The following RHBDD1 variants were observed in gnomAD, a reference collection of about 807,000 sequenced individuals.
The protein encoded by RHBDD1 is rhomboid domain containing 1.
Under a neutral mutation model 36.3 loss-of-function variants are expected in RHBDD1, and 38 were observed. The ratio of observed to expected loss-of-function variants is 1.05; its 90% CI spans 0.81 to 1.37. The LOEUF is 1.37. Ranked by LOEUF, RHBDD1 falls within the 40% of genes most tolerant of loss-of-function variation. The pLI, the probability that RHBDD1 is intolerant of heterozygous loss-of-function variation, is 0.00. For missense variants in RHBDD1, 393 were observed against 377.6 expected (o/e 1.04, Z -0.34); for synonymous variants, 151 against 136.5 (o/e 1.11, Z -0.74).
At chr2:226,838,373 C>T (rs576348272) in intron 2 of RHBDD1, among the ~76,000 whole-genome samples, 8 of 151,960 alleles carry the variant, frequency 5.3e-5, no homozygotes, top group African/African-American at 1.9e-4. Flanking sequence ...TTTTTTTGTT[C>T]TCCTCATCGG....
At chr2:226,899,648 A>T (rs1947428482) in intron 5 of RHBDD1, among the ~76,000 whole-genome samples, 1 of 152,228 alleles carries the variant, frequency 6.6e-6, no homozygotes, top group South Asian at 2.1e-4. Context: ...AGAAAAAGAC[A>T]GATTGCCTAC....
chr2:226,971,532 CTT>C (rs1189543846), intron 8 of RHBDD1, among the ~76,000 whole-genome samples: 1 of 152,176 alleles, frequency 6.6e-6, no homozygotes, highest in Non-Finnish European at 1.5e-5. Context: ...GCTTATTTGA[CTT>C]TTGATAAGTT....
chr2:226,942,281 C>T (rs1396775372), intron 8 of RHBDD1, among the ~76,000 whole-genome samples: 1 of 151,730 alleles, frequency 6.6e-6, no homozygotes, highest in Non-Finnish European at 1.5e-5. Flanking sequence ...TTCTGTCACC[C>T]AGGCTGGAGT....
At chr2:226,819,616 G>A in the RHBDD1 span, among the ~76,000 whole-genome samples, 1 of 152,092 alleles carries the variant, frequency 6.6e-6, no homozygotes, top group Non-Finnish European at 1.5e-5. Context: ...GTTTAATTTT[G>A]CTGTGAACCT....
chr2:226,995,902 GC>G lies in RHBDD1; in HGVS notation c.*384del, dbSNP rs1202683720. 5.3e-6 allele frequency: 1 copy of G among 187,530 alleles called. No homozygotes were observed. Among genetic ancestry groups the G allele is most frequent in the African/African-American group, 2.4e-5 (1 of 42,418 alleles). The allele number at this position is 187,530 out of a possible 1,614,324, so 11.6% of individuals were successfully genotyped here. On this transcript the variant is annotated 3_prime_UTR_variant, in exon 9 of 9. Coordinates refer to ENST00000392062, the MANE Select transcript of RHBDD1 (RefSeq NM_001167608.3). ...ATTAGTCCCTCATTCTGCCTGGAGT[GC>G]CCCGTGTTTGACTTGGCAGCGGGTG...
At chr2:226,839,994 AGT>A (rs1941431892) in intron 3 of RHBDD1, among the ~76,000 whole-genome samples, 1 of 152,204 alleles carries the variant, frequency 6.6e-6, no homozygotes, top group South Asian at 2.1e-4. Context: ...TATATAGTAA[AGT>A]GTTTTTTTAG....
chr2:226,811,615 G>C, the RHBDD1 span, among the ~76,000 whole-genome samples: 1 of 152,066 alleles, frequency 6.6e-6, no homozygotes, highest in Non-Finnish European at 1.5e-5. Flanking sequence ...TAGTGGAATT[G>C]TTGCCGGACA....
At chr2:226,833,850 A>G (rs1418826747), upstream of RHBDD1, among the ~76,000 whole-genome samples, 4 of 152,222 alleles carry the variant, frequency 2.6e-5, no homozygotes, top group African/African-American at 9.6e-5. Flanking sequence ...ATATTTGTCA[A>G]TTGAAATGGG....
chr2:226,904,272 G>C (rs1302040934), intron 5 of RHBDD1, among the ~76,000 whole-genome samples: 1 of 152,134 alleles, frequency 6.6e-6, no homozygotes, highest in Non-Finnish European at 1.5e-5. Flanking sequence ...CACACCCCTG[G>C]ACGTTGCCGT....
At chr2:226,878,362 C>T (rs183441569) in intron 5 of RHBDD1, among the ~76,000 whole-genome samples, 182 of 152,342 alleles carry the variant, frequency 1.2e-3, no homozygotes, top group Non-Finnish European at 2.1e-3. Flanking sequence ...TTCAGTCCCA[C>T]GTGTTCTTTT....
At chr2:226,806,154 A>G in the RHBDD1 span, among the ~76,000 whole-genome samples, 1 of 151,930 alleles carries the variant, frequency 6.6e-6, no homozygotes, top group Non-Finnish European at 1.5e-5. Flanking sequence ...GAAAAAAAAA[A>G]CTGACTAGAA....
At chr2:226,895,114 A>G (rs1284099402) in intron 5 of RHBDD1, among the ~76,000 whole-genome samples, 2 of 152,164 alleles carry the variant, frequency 1.3e-5, no homozygotes, top group African/African-American at 4.8e-5. Context: ...TTTATTGTAG[A>G]GACACTGGGG....
chr2:226,822,412 A>C, the RHBDD1 span, among the ~76,000 whole-genome samples: 1 of 152,166 alleles, frequency 6.6e-6, no homozygotes, highest in South Asian at 2.1e-4. Context: ...GAGCGGGTGG[A>C]TCACCTAAGG....
intron 5 of RHBDD1, among the ~76,000 whole-genome samples, chr2:226,906,491 A>G (rs1476836598): frequency 1.3e-5 from 2 of 152,220 alleles, no homozygotes; most frequent in East Asian, 3.9e-4. Flanking sequence ...AAAAACGGAA[A>G]GCGATGTAAT....
intron 8 of RHBDD1, among the ~76,000 whole-genome samples, chr2:226,928,434 T>A (rs1453031099): frequency 6.6e-6 from 1 of 152,006 alleles, no homozygotes; most frequent in Non-Finnish European, 1.5e-5. Flanking sequence ...AAGATGGAAA[T>A]TAAATAATTC....
chr2:226,867,097 C>T (rs929087783), intron 4 of RHBDD1, 89 bp from the exon 5 acceptor site: 133 of 1,286,966 alleles, frequency 1.0e-4, no homozygotes, highest in Admixed American at 3.6e-4. Flanking sequence ...ATCGAATAAT[C>T]ATTTTCACTT....
At chr2:226,827,111 CCAT>C in the RHBDD1 span, among the ~76,000 whole-genome samples, 1 of 152,054 alleles carries the variant, frequency 6.6e-6, no homozygotes, top group South Asian at 2.1e-4. Context: ...GTGCATACCA[CCAT>C]GTCAGGCTAC....
chr2:226,918,760 T>C (rs1949095156), intron 8 of RHBDD1, among the ~76,000 whole-genome samples: 1 of 152,126 alleles, frequency 6.6e-6, no homozygotes, highest in East Asian at 1.9e-4. Flanking sequence ...CTATGAATAG[T>C]GCTACAGTAA....
chr2:226,831,506 G>T (rs1190972382), upstream of RHBDD1, among the ~76,000 whole-genome samples: 1 of 152,188 alleles, frequency 6.6e-6, no homozygotes, highest in African/African-American at 2.4e-5. Flanking sequence ...GGCAGAGACT[G>T]AAGTGCTGCA....
Sources: allele counts gnomAD v4.1 joint callset (sites outside exome capture counted in the v4.1 genomes callset), GRCh38; gene constraint gnomAD v4.1.1; transcripts MANE v1.5; gene names NCBI Gene and HGNC (gene_info 2026-07-23, HGNC 2026-07-21).